Variants in CLSTN1 observed in about 807,000 individuals in gnomAD.
The protein encoded by CLSTN1 is calsyntenin-1.
Under a neutral mutation model 108.3 loss-of-function variants are expected in CLSTN1, and 28 were observed. That is an observed-to-expected ratio of 0.26 (90% CI 0.19 to 0.35). CLSTN1 has a LOEUF of 0.35. Ranked by LOEUF, CLSTN1 falls within the 10% of genes least tolerant of loss-of-function variation. The pLI, the probability that CLSTN1 is intolerant of heterozygous loss-of-function variation, is 1.00. For missense variants in CLSTN1, 1,157 were observed against 1,302.6 expected (o/e 0.89, Z 1.72); for synonymous variants, 524 against 534.9 (o/e 0.98, Z 0.28).
chr1:9,805,120 A>G (rs911844304), intron 1 of CLSTN1, among the ~76,000 whole-genome samples: 9 of 152,184 alleles, frequency 5.9e-5, no homozygotes, highest in Non-Finnish European at 5.9e-5. Context: ...ACTCCTCTCA[A>G]AAAGAAAAAA....
Position 9,781,295 on chromosome 1 carries a change from T to C in CLSTN1, c.92-7901A>G, listed in dbSNP as rs532359057. On this transcript the variant is annotated intron_variant, in intron 1 of 18. Transcript: ENST00000377298. ...CAAGCTCTGCAAGAGGATTTAAAGA[T>C]TGCACTGTAGTCGAGAATGTACAAT... The C allele has an allele frequency of 9.6e-5, 65 of 674,954 alleles. No individual in the cohort carries two copies. In the East Asian group the frequency reaches 1.5e-3, roughly 15 times the overall value. The allele number at this position is 674,954 out of a possible 1,614,324, so 41.8% of individuals were successfully genotyped here.
intron 1 of CLSTN1, among the ~76,000 whole-genome samples, chr1:9,800,557 GA>G (rs55929301): frequency 0.41 from 32,093 of 77,354 alleles, 4,850 homozygotes; most frequent in East Asian, 0.54. Context: ...GTCTCCACTA[GA>G]AAAAAAAAAA....
chr1:9,739,942 G>A (rs1318071564), intron 10 of CLSTN1, among the ~76,000 whole-genome samples: 4 of 150,500 alleles, frequency 2.7e-5, no homozygotes, highest in East Asian at 2.0e-4. Flanking sequence ...TCAGCCTCCC[G>A]AGTAGCTGGG....
intron 2 of CLSTN1, among the ~76,000 whole-genome samples, chr1:9,756,728 T>C (rs567366962): frequency 6.6e-6 from 1 of 152,330 alleles, no homozygotes; most frequent in African/African-American, 2.4e-5. Context: ...AAGTTATTAA[T>C]TTAGGGATGA....
At chr1:9,771,901 C>G (rs1350000249) in intron 2 of CLSTN1, among the ~76,000 whole-genome samples, 2 of 151,970 alleles carry the variant, frequency 1.3e-5, no homozygotes, top group African/African-American at 4.8e-5. Context: ...TTTCCTTCAA[C>G]TTACTATAGT....
At chr1:9,799,727 G>T (rs914152252) in intron 1 of CLSTN1, among the ~76,000 whole-genome samples, 1 of 151,160 alleles carries the variant, frequency 6.6e-6, no homozygotes, top group Non-Finnish European at 1.5e-5. Flanking sequence ...CAGATCATGA[G>T]GTCAAGAGAT....
intron 1 of CLSTN1, among the ~76,000 whole-genome samples, chr1:9,799,747 C>G (rs1240032940): frequency 6.6e-6 from 1 of 151,552 alleles, no homozygotes; most frequent in Non-Finnish European, 1.5e-5. Flanking sequence ...TCCAGACCAT[C>G]CTGGCCAACA....
chr1:9,754,372 C>T (rs1269418856), intron 4 of CLSTN1, among the ~76,000 whole-genome samples: 4 of 151,822 alleles, frequency 2.6e-5, no homozygotes, highest in Non-Finnish European at 5.9e-5. Context: ...CCAGCCTGGC[C>T]AACATGGTGA....
rs987047680 is a variant in CLSTN1, at chr1:9,823,862, A to AGCCGCC, written c.-135_-130dup. Reference sequence around the variant, plus strand: ...GGGGAGCTCCGGGGGTCCAAGGAGGAGCCGCCGCCGCCGCCGCCGTGACGC... The same window carrying AGCCGCC: ...GGGGAGCTCCGGGGGTCCAAGGAGGAGCCGCCGCCGCCGCCGCCGCCGCCGTGACGC... On this transcript the variant is annotated 5_prime_UTR_variant, in exon 1 of 19. Coordinates refer to ENST00000377298, the MANE Select transcript of CLSTN1 (RefSeq NM_001009566.3). The surrounding 1 kb of genome is among the most constrained non-coding windows in gnomAD (Gnocchi z 6.3). The AGCCGCC allele has an allele frequency of 7.2e-5, 21 of 292,234 alleles. 1 individual carries two copies. Among genetic ancestry groups the AGCCGCC allele is most frequent in the African/African-American group, 2.1e-4 (9 of 43,558 alleles). The allele number at this position is 292,234 out of a possible 1,614,324, so 18.1% of individuals were successfully genotyped here. A position where few individuals can be genotyped will look rare whatever the true frequency, so the allele number is the denominator to read the frequency against.
At chr1:9,807,922 T>C (rs1408910134) in intron 1 of CLSTN1, among the ~76,000 whole-genome samples, 2 of 152,242 alleles carry the variant, frequency 1.3e-5, no homozygotes, top group Non-Finnish European at 2.9e-5. Flanking sequence ...CCTTCTCTGG[T>C]ACCTCGGCCT....
intron 1 of CLSTN1, among the ~76,000 whole-genome samples, chr1:9,793,233 G>A (rs1306018939): frequency 1.3e-5 from 2 of 151,296 alleles, no homozygotes; most frequent in African/African-American, 4.8e-5. Context: ...GGCTGGTCTC[G>A]AACTCCTGAC....
chr1:9,797,245 A>T (rs1018281365), intron 1 of CLSTN1, among the ~76,000 whole-genome samples: 1 of 151,942 alleles, frequency 6.6e-6, no homozygotes, highest in Admixed American at 6.6e-5. Context: ...CCCACCCAAG[A>T]GTCTGAGTCC....
chr1:9,769,899 G>A lies in CLSTN1; in HGVS notation c.214+3373C>T, dbSNP rs547708219. ...CAAAAAATTAGCCGGGCGCGGTGGC[G>A]GACTCCTGTAGTCCCAGCTAATCGG... is the stretch of plus-strand genomic sequence containing the variant. On this transcript the variant is annotated intron_variant, in intron 2 of 18. Transcript: ENST00000377298. 1.4e-3 allele frequency among the ~76,000 whole-genome samples: 207 copies of A among 152,132 alleles called. 1 individual carries two copies. Among genetic ancestry groups the A allele is most frequent in the African/African-American group, 4.7e-3 (194 of 41,506 alleles).
chr1:9,759,454 T>C (rs1174586631), intron 2 of CLSTN1, among the ~76,000 whole-genome samples: 1 of 152,194 alleles, frequency 6.6e-6, no homozygotes, highest in East Asian at 1.9e-4. Flanking sequence ...TTTTTTGTTA[T>C]TGTATTTTTA....
intron 1 of CLSTN1, among the ~76,000 whole-genome samples, chr1:9,786,402 G>A (rs1009419710): frequency 1.6e-4 from 24 of 152,224 alleles, no homozygotes; most frequent in African/African-American, 5.5e-4. Flanking sequence ...AGCACTTTGG[G>A]AGGCCGAGGC....
chr1:9,817,266 CTTCTT>C (rs1465203379), intron 1 of CLSTN1, among the ~76,000 whole-genome samples: 1 of 152,190 alleles, frequency 6.6e-6, no homozygotes, highest in Admixed American at 6.5e-5. Flanking sequence ...AAACATGACT[CTTCTT>C]TTGATATGCT....
intron 1 of CLSTN1, among the ~76,000 whole-genome samples, chr1:9,786,874 C>T (rs1653519694): frequency 6.6e-6 from 1 of 151,132 alleles, no homozygotes; most frequent in South Asian, 2.2e-4. Flanking sequence ...TGAGAAAAGA[C>T]CAGGGAATGA....
intron 1 of CLSTN1, among the ~76,000 whole-genome samples, chr1:9,812,091 C>A (rs1044512794): frequency 6.6e-6 from 1 of 152,028 alleles, no homozygotes; most frequent in Non-Finnish European, 1.5e-5. Context: ...GAGCCGAGAT[C>A]GCACCACTGT....
At chr1:9,735,802 T>G in intron 12 of CLSTN1, 83 bp downstream of exon 12, 2 of 1,549,720 alleles carry the variant, frequency 1.3e-6, no homozygotes, top group Non-Finnish European at 8.8e-7. Context: ...AATCACAGAT[T>G]ACTCACTCCC....
Sources: allele counts gnomAD v4.1 joint callset (sites outside exome capture counted in the v4.1 genomes callset), GRCh38; gene constraint gnomAD v4.1.1; non-coding constraint Gnocchi (gnomAD v3.1); transcripts MANE v1.5; gene names NCBI Gene and HGNC (gene_info 2026-07-23, HGNC 2026-07-21).